Variants in XKR6 observed in about 807,000 individuals in gnomAD.
XKR6 encodes the protein XK-related protein 6.
A neutral mutation model predicts 56.7 loss-of-function variants in XKR6; 22 were observed. The ratio of observed to expected loss-of-function variants is 0.39; its 90% CI spans 0.28 to 0.55. The LOEUF (loss-of-function observed/expected upper bound fraction) is 0.55. Among genes scored for constraint, XKR6 ranks in the 20% least tolerant of loss-of-function variants. The pLI, the probability that XKR6 is intolerant of heterozygous loss-of-function variation, is 0.66. For missense variants in XKR6, 852 were observed against 889.0 expected (o/e 0.96, Z 0.53); for synonymous variants, 524 against 387.8 (o/e 1.35, Z -4.13).
chr8:10,949,654 C>T (rs188053088), intron 1 of XKR6, among the ~76,000 whole-genome samples: 4 of 152,348 alleles, frequency 2.6e-5, no homozygotes, highest in African/African-American at 7.2e-5. Flanking sequence ...ATTGTTATCC[C>T]CATTTTATAA....
chr8:10,911,929 C>T (rs7821826), intron 2 of XKR6, among the ~76,000 whole-genome samples: 72,245 of 147,128 alleles, frequency 0.49, 18,909 homozygotes, highest in African/African-American at 0.64. Context: ...GAGGGTGAGA[C>T]TGTATACATA....
intron 1 of XKR6, among the ~76,000 whole-genome samples, chr8:10,998,480 G>C (rs970902569): frequency 6.6e-6 from 1 of 152,158 alleles, no homozygotes; most frequent in Non-Finnish European, 1.5e-5. Flanking sequence ...TGACAGGCCT[G>C]GTAAGAGCTC....
At chr8:10,939,253 C>T (rs1019011033) in intron 1 of XKR6, among the ~76,000 whole-genome samples, 1 of 152,178 alleles carries the variant, frequency 6.6e-6, no homozygotes, top group Admixed American at 6.5e-5. Context: ...CAGGAAGAGC[C>T]CTGGCAGAGA....
intron 1 of XKR6, among the ~76,000 whole-genome samples, chr8:11,163,019 A>C (rs1433671371): frequency 2.0e-5 from 3 of 152,246 alleles, no homozygotes; most frequent in Admixed American, 6.5e-5. Context: ...TTTAAAGAGA[A>C]ACAGGTTATT....
intron 1 of XKR6, among the ~76,000 whole-genome samples, chr8:11,149,981 G>A (rs184018404): frequency 9.8e-5 from 15 of 152,304 alleles, no homozygotes; most frequent in Non-Finnish European, 1.6e-4. Flanking sequence ...GGCAAAGAAA[G>A]ACAAATATTG....
intron 1 of XKR6, among the ~76,000 whole-genome samples, chr8:11,080,142 G>GA (rs982221687): frequency 2.3e-3 from 330 of 145,530 alleles, no homozygotes; most frequent in African/African-American, 6.4e-3. Context: ...CAGAAAGCAA[G>GA]AAAAAAAAAA....
At chr8:11,122,037 T>C (rs1476706088) in intron 1 of XKR6, among the ~76,000 whole-genome samples, 1 of 152,106 alleles carries the variant, frequency 6.6e-6, no homozygotes, top group African/African-American at 2.4e-5. Flanking sequence ...GGATATTCAA[T>C]ATTCAATAGC....
chr8:11,069,450 C>T (rs1293233257), intron 1 of XKR6, among the ~76,000 whole-genome samples: 3 of 151,822 alleles, frequency 2.0e-5, no homozygotes, highest in African/African-American at 4.8e-5. Flanking sequence ...TGTGTTGCCA[C>T]ACCTCGGGGT....
intron 1 of XKR6, among the ~76,000 whole-genome samples, chr8:11,037,857 CAAAAAAAAA>C (rs61377795): frequency 4.0e-5 from 4 of 100,746 alleles, no homozygotes; most frequent in Non-Finnish European, 8.5e-5. Flanking sequence ...GACTTGGTTT[CAAAAAAAAA>C]AAAAAAAAAA....
intron 1 of XKR6, among the ~76,000 whole-genome samples, chr8:11,172,235 T>C (rs1802414653): frequency 6.6e-6 from 1 of 151,992 alleles, no homozygotes; most frequent in Non-Finnish European, 1.5e-5. Flanking sequence ...CGTGGCATTA[T>C]TGTGCACGCC....
At chr8:10,917,462 T>C (rs925599172) in intron 2 of XKR6, among the ~76,000 whole-genome samples, 1 of 152,208 alleles carries the variant, frequency 6.6e-6, no homozygotes, top group South Asian at 2.1e-4. Context: ...GAGAATTCCT[T>C]GCTCTAGGAA....
intron 2 of XKR6, among the ~76,000 whole-genome samples, chr8:10,918,419 G>C (rs1475644281): frequency 6.6e-6 from 1 of 151,800 alleles, no homozygotes; most frequent in African/African-American, 2.4e-5. Flanking sequence ...ATGGCATCTG[G>C]GGCATGCACA....
At chr8:10,926,606 GCC>G (rs1800893684) in intron 1 of XKR6, among the ~76,000 whole-genome samples, 1 of 152,206 alleles carries the variant, frequency 6.6e-6, no homozygotes, top group Admixed American at 6.5e-5. Flanking sequence ...GGGGCACCAG[GCC>G]CCCCAGGCCA....
chr8:10,972,710 T>A (rs1586375027), intron 1 of XKR6, among the ~76,000 whole-genome samples: 1 of 152,106 alleles, frequency 6.6e-6, no homozygotes. Context: ...TGGGGAAAAG[T>A]GGGGACTGGG....
chr8:11,142,022 C>T (rs1366376028), intron 1 of XKR6, among the ~76,000 whole-genome samples: 3 of 143,498 alleles, frequency 2.1e-5, no homozygotes, highest in Admixed American at 6.9e-5. Flanking sequence ...ATACTACATT[C>T]CAAAAAAAAA....
intron 1 of XKR6, among the ~76,000 whole-genome samples, chr8:11,073,369 T>C (rs1800183569): frequency 6.6e-6 from 1 of 152,130 alleles, no homozygotes; most frequent in Non-Finnish European, 1.5e-5. Flanking sequence ...ATTTCAGAGA[T>C]GCATCCTGCC....
chr8:11,130,761 TGCCACACAGGGG>T (rs1800065808), intron 1 of XKR6, among the ~76,000 whole-genome samples: 3 of 152,148 alleles, frequency 2.0e-5, no homozygotes, highest in Middle Eastern at 3.4e-3. Flanking sequence ...GTACGACAGA[TGCCACACAGGGG>T]GCCTTTGTAA....
intron 1 of XKR6, among the ~76,000 whole-genome samples, chr8:11,118,965 T>C (rs1799311492): frequency 6.6e-6 from 1 of 152,240 alleles, no homozygotes; most frequent in African/African-American, 2.4e-5. Context: ...ACTTTCACTC[T>C]ATACACTGCT....
chr8:10,998,946 C>T (rs1163008535), intron 1 of XKR6, among the ~76,000 whole-genome samples: 1 of 152,204 alleles, frequency 6.6e-6, no homozygotes, highest in Non-Finnish European at 1.5e-5. Context: ...GAGAATCAAA[C>T]CCCTGAATCT....
Sources: gnomAD v4.1 joint callset for allele counts (sites outside exome capture counted in the v4.1 genomes callset) on GRCh38, gnomAD v4.1.1 for gene constraint, MANE v1.5 for transcripts, NCBI Gene and HGNC (gene_info 2026-07-23, HGNC 2026-07-21) for gene names.